The following DZANK1 variants were observed in gnomAD, a reference collection of about 807,000 sequenced individuals.
The protein encoded by DZANK1 is double zinc ribbon and ankyrin repeat domains 1, also known as double zinc ribbon and ankyrin repeat-containing protein 1.
In DZANK1, 91 loss-of-function variants were observed where a neutral mutation model predicts 94.5. The ratio of observed to expected loss-of-function variants is 0.96; its 90% CI spans 0.81 to 1.15. DZANK1 has a LOEUF of 1.15. Ranked by LOEUF, DZANK1 falls within the 50% of genes most tolerant of loss-of-function variation. DZANK1 has a pLI of 0.00. For missense variants in DZANK1, 903 were observed against 916.4 expected (o/e 0.99, Z 0.19); for synonymous variants, 312 against 325.3 (o/e 0.96, Z 0.44).
At chr20:18,450,646 G>A (rs1042133712) in intron 6 of DZANK1, among the ~76,000 whole-genome samples, 4 of 152,170 alleles carry the variant, frequency 2.6e-5, no homozygotes, top group African/African-American at 9.7e-5. Flanking sequence ...TATGCAACTG[G>A]GTTTGGAAAC....
chr20:18,390,668 A>G (rs2055911316), intron 17 of DZANK1, among the ~76,000 whole-genome samples: 1 of 152,234 alleles, frequency 6.6e-6, no homozygotes, highest in African/African-American at 2.4e-5. Flanking sequence ...GCTTCAGGCA[A>G]GGTTACCGCA....
intron 14 of DZANK1, chr20:18,398,275 C>T: frequency 2.1e-6 from 1 of 471,782 alleles, no homozygotes; most frequent in Non-Finnish European, 3.9e-6. Context: ...AATGTGACAT[C>T]TGAGCATGAG....
chr20:18,443,685 C>A (rs538232730), intron 7 of DZANK1, among the ~76,000 whole-genome samples: 1 of 152,166 alleles, frequency 6.6e-6, no homozygotes, highest in Admixed American at 6.5e-5. Context: ...GCCCTTTCTG[C>A]GTAGGCCAAG....
At chr20:18,447,910 AT>A (rs1392035858) in intron 7 of DZANK1, among the ~76,000 whole-genome samples, 1 of 152,156 alleles carries the variant, frequency 6.6e-6, no homozygotes, top group African/African-American at 2.4e-5. Flanking sequence ...ATATATACCT[AT>A]CATATTCCTC....
intron 10 of DZANK1, among the ~76,000 whole-genome samples, chr20:18,421,682 G>A (rs2057784511): frequency 1.3e-5 from 2 of 152,150 alleles, no homozygotes; most frequent in Non-Finnish European, 1.5e-5. Context: ...TTTTCATGCT[G>A]TCAGGCATCT....
chr20:18,433,792 C>T (rs1311868876), intron 8 of DZANK1, 27 bp from the exon 9 acceptor site: 2 of 1,598,390 alleles, frequency 1.3e-6, no homozygotes, highest in Non-Finnish European at 1.7e-6. Flanking sequence ...TCTGGTTTAT[C>T]TTGCACATAA....
chr20:18,393,174 A>G (rs2056115150), intron 17 of DZANK1, among the ~76,000 whole-genome samples: 1 of 152,170 alleles, frequency 6.6e-6, no homozygotes, highest in South Asian at 2.1e-4. Context: ...AAAAAGCTTC[A>G]TCCCAAGCTG....
intron 4 of DZANK1, among the ~76,000 whole-genome samples, 187 bp downstream of exon 4, chr20:18,455,057 CAGG>C (rs2059235744): frequency 6.6e-6 from 1 of 152,164 alleles, no homozygotes; most frequent in African/African-American, 2.4e-5. Context: ...CTCTCATCTT[CAGG>C]GTGGATAGGA....
chr20:18,394,572 C>A, intron 15 of DZANK1: 1 of 684,568 alleles, frequency 1.5e-6, no homozygotes, highest in Admixed American at 1.9e-5. Context: ...CCCTCCTCCT[C>A]TCCCTCCCTG....
chr20:18,419,064 C>A (rs2057637287), intron 10 of DZANK1, among the ~76,000 whole-genome samples: 1 of 152,080 alleles, frequency 6.6e-6, no homozygotes, highest in African/African-American at 2.4e-5. Context: ...GAGTATGAAA[C>A]CAGCCTGGCC....
intron 10 of DZANK1, 102 bp downstream of exon 10, chr20:18,426,965 G>T (rs1407654734): frequency 7.4e-6 from 5 of 679,186 alleles, no homozygotes; most frequent in Admixed American, 7.5e-5. Context: ...AGCTTTTTTT[G>T]GTCTCTCTCC....
intron 19 of DZANK1, among the ~76,000 whole-genome samples, chr20:18,385,928 A>T (rs773432302): frequency 1.1e-4 from 16 of 152,066 alleles, no homozygotes; most frequent in Non-Finnish European, 2.1e-4. Flanking sequence ...CTAGTGAGGG[A>T]GGAGTGGGCA....
chr20:18,460,052 CCTT>C, intron 3 of DZANK1, 98 bp downstream of exon 3: 2 of 859,848 alleles, frequency 2.3e-6, no homozygotes, highest in Non-Finnish European at 1.7e-6. Flanking sequence ...TCAGTAGTGT[CCTT>C]CTAATGCAGC....
In DZANK1 at chr20:18,385,108, A is replaced by T; in HGVS notation, c.2019-18T>A. 1.9e-6 allele frequency: 3 copies of T among 1,551,302 alleles called. No individual in the cohort carries two copies. The highest frequency in any genetic ancestry group is 1.7e-6 in the Non-Finnish European group (2 of 1,146,784). On this transcript the variant is annotated intron_variant, in intron 19 of 20. Coordinates refer to ENST00000262547, the Ensembl canonical transcript of DZANK1. The stretch of plus-strand genomic sequence containing the variant: ...TTCTGAGCCTAATGAGGGGGGAAAA[A>T]TCCTGGATAAATCCTTAGTTAGCAT...
intron 8 of DZANK1, among the ~76,000 whole-genome samples, chr20:18,440,006 A>G (rs1481940783): frequency 6.6e-6 from 1 of 152,160 alleles, no homozygotes; most frequent in Non-Finnish European, 1.5e-5. Context: ...ACTTTGATCC[A>G]ATATGACTGA....
At chr20:18,415,105 T>A (rs2057426078) in intron 11 of DZANK1, among the ~76,000 whole-genome samples, 1 of 151,822 alleles carries the variant, frequency 6.6e-6, no homozygotes, top group African/African-American at 2.4e-5. Flanking sequence ...AATAAACGAG[T>A]GAAAAGGTTT....
chr20:18,445,096 C>T (rs1038599832), intron 7 of DZANK1, among the ~76,000 whole-genome samples: 2 of 152,036 alleles, frequency 1.3e-5, no homozygotes, highest in Admixed American at 6.5e-5. Context: ...CGTGAGCCAC[C>T]GCGCCCGGCC....
chr20:18,394,358 A>G lies in DZANK1; in HGVS notation c.1612-8T>C. ...CTTGTTCAGGTAAAGGTTCTGGCCA[A>G]TGAAAACATTTAAACACCATGAATG... On this transcript the variant is annotated splice_polypyrimidine_tract_variant and splice_region_variant and intron_variant, in intron 15 of 20. Transcript: ENST00000262547. 6.2e-7 allele frequency: 1 copy of G among 1,612,700 alleles called. No individual in the cohort carries two copies. The highest frequency in any genetic ancestry group is 8.5e-7 in the Non-Finnish European group (1 of 1,179,380).
At chr20:18,405,686 A>C (rs1016837235) in intron 13 of DZANK1, among the ~76,000 whole-genome samples, 1 of 152,258 alleles carries the variant, frequency 6.6e-6, no homozygotes, top group Non-Finnish European at 1.5e-5. Flanking sequence ...ACCAAATTTT[A>C]ACAACTATCT....
Sources: allele counts gnomAD v4.1 joint callset (sites outside exome capture counted in the v4.1 genomes callset), GRCh38; gene constraint gnomAD v4.1.1; transcripts MANE v1.5; gene names NCBI Gene and HGNC (gene_info 2026-07-23, HGNC 2026-07-21).